The following UGT1A5 variants were observed in gnomAD, a reference collection of about 807,000 sequenced individuals.
The protein encoded by UGT1A5 is UDP glucuronosyltransferase family 1 member A5, also known as UDP-glucuronosyltransferase 1A5.
A neutral mutation model predicts 40.3 loss-of-function variants in UGT1A5; 29 were observed. That is an observed-to-expected ratio of 0.72 (90% CI 0.54 to 0.98). UGT1A5 has a LOEUF of 0.98. Ranked by LOEUF, UGT1A5 falls within the 50% of genes least tolerant of loss-of-function variation. UGT1A5 has a pLI of 0.00. For synonymous variants in UGT1A5, 257 were observed against 262.5 expected (o/e 0.98, Z 0.20); for missense variants, 678 against 677.9 (o/e 1.00, Z 0.00).
chr2:233,729,175 C>T (rs2077809820), intron 1 of UGT1A5: 1 of 1,613,710 alleles, frequency 6.2e-7, no homozygotes, highest in African/African-American at 1.3e-5. Context: ...CACAGGACTG[C>T]TGCTTCTCCT....
chr2:233,718,971 C>T (rs1342997030), intron 1 of UGT1A5: 5 of 1,614,090 alleles, frequency 3.1e-6, no homozygotes, highest in Middle Eastern at 1.6e-4. Context: ...CTTGCGGGAG[C>T]TCCATGCCAG....
chr2:233,758,044 A>G (rs1696783059), intron 1 of UGT1A5, among the ~76,000 whole-genome samples: 1 of 152,170 alleles, frequency 6.6e-6, no homozygotes, highest in African/African-American at 2.4e-5. Context: ...CTTTCAGGCA[A>G]GGACCATTTC....
At chr2:233,770,549 T>C (rs1220272101) in intron 4 of UGT1A5, 7 of 151,978 alleles carry the variant, frequency 4.6e-5, no homozygotes, top group Non-Finnish European at 8.8e-5. Flanking sequence ...TCCCAGCTAT[T>C]TGGGAGGCTG....
intron 1 of UGT1A5, among the ~76,000 whole-genome samples, chr2:233,723,485 C>T (rs1440539841): frequency 7.3e-6 from 1 of 137,690 alleles, no homozygotes; most frequent in Non-Finnish European, 1.5e-5. Flanking sequence ...GCTAGGATTC[C>T]AGGTGTGAGC....
intron 1 of UGT1A5, chr2:233,760,559 C>A (rs776620061): frequency 1.2e-6 from 2 of 1,614,238 alleles, no homozygotes; most frequent in Admixed American, 3.3e-5. Flanking sequence ...GTGAAAGAGT[C>A]TTTTGTTAGT....
At position 233,772,370 on chromosome 2, in the gene UGT1A5, G is replaced by A. The variant is rs587784537; in HGVS notation, c.1416G>A (p.Ala472=). The A allele has an allele frequency of 2.5e-6, 4 of 1,614,248 alleles. No homozygotes were observed. The highest frequency in any genetic ancestry group is 1.6e-4 in the Middle Eastern group (1 of 6,062). ...WVEFVMRHKG[A]PHLRPAAHDL... The stretch of plus-strand genomic sequence containing the variant: ...AGTTTGTGATGAGGCACAAGGGCGC[G>A]CCACACCTGCGCCCCGCAGCCCACG... Residue 472 remains alanine, a synonymous_variant, in exon 5 of 5, where the codon GCG becomes GCA. Transcript: ENST00000373414.
intron 2 of UGT1A5, among the ~76,000 whole-genome samples, chr2:233,767,644 C>T (rs983421121): frequency 2.0e-5 from 3 of 152,120 alleles, no homozygotes; most frequent in South Asian, 4.1e-4. Flanking sequence ...CACAAATTCA[C>T]GTAGTGCATA....
At chr2:233,763,355 T>C (rs1340050072) in intron 1 of UGT1A5, among the ~76,000 whole-genome samples, 1 of 152,264 alleles carries the variant, frequency 6.6e-6, no homozygotes, top group Non-Finnish European at 1.5e-5. Context: ...ACATCTTTAG[T>C]ACTCCTTTGT....
chr2:233,742,052 G>C (rs146940550), intron 1 of UGT1A5: 14 of 152,060 alleles, frequency 9.2e-5, no homozygotes, highest in African/African-American at 3.4e-4. Context: ...CAATAGGATA[G>C]TTCTGTGTGG....
At position 233,767,893 on chromosome 2, in the gene UGT1A5, CA is replaced by C. The variant is rs745655794; in HGVS notation, c.1046del (p.Asn349ThrfsTer18). ...TGTRPSNLAN[N>X]TILVKWLPQN... ...GAACCCGACCATCGAATCTTGCGAA[CA>C]ACACGATACTTGTTAAGTGGCTACC... On this transcript the variant is annotated frameshift_variant, in exon 3 of 5. Coordinates refer to ENST00000373414, the MANE Select transcript of UGT1A5 (RefSeq NM_019078.2). LOFTEE classifies it high-confidence loss of function. The C allele has an allele frequency of 3.1e-6, 5 of 1,614,158 alleles. No individual in the cohort carries two copies. In the South Asian group the frequency reaches 5.5e-5, roughly 18 times the overall value.
intron 1 of UGT1A5, among the ~76,000 whole-genome samples, chr2:233,745,899 C>T (rs1385989296): frequency 1.3e-5 from 2 of 151,320 alleles, no homozygotes; most frequent in Non-Finnish European, 2.9e-5. Context: ...TGGCGTTTTT[C>T]AGGGAGCAGC....
At chr2:233,754,297 C>G (rs1695445363) in intron 1 of UGT1A5, 1 of 235,612 alleles carries the variant, frequency 4.2e-6, no homozygotes, top group Non-Finnish European at 8.4e-6. Flanking sequence ...TGTCCTAGCA[C>G]TAGGAAATAA....
At chr2:233,732,602 G>T (rs1447005275) in intron 1 of UGT1A5, among the ~76,000 whole-genome samples, 1 of 152,210 alleles carries the variant, frequency 6.6e-6, no homozygotes, top group Non-Finnish European at 1.5e-5. Flanking sequence ...GTTTGTCAAA[G>T]ATCAAATGGT....
intron 1 of UGT1A5, chr2:233,743,889 C>T: frequency 7.3e-7 from 1 of 1,366,986 alleles, no homozygotes; most frequent in Non-Finnish European, 9.8e-7. Context: ...TGCCGGGGCA[C>T]GTCCAGCACC....
chr2:233,753,414 T>C (rs1264924326), intron 1 of UGT1A5: 1 of 152,196 alleles, frequency 6.6e-6, no homozygotes, highest in Non-Finnish European at 1.5e-5. Flanking sequence ...CCAAACCCAT[T>C]GTCACAGTAT....
Position 233,769,941 on chromosome 2 carries a change from T to G in UGT1A5, c.1307+1502T>G. 1 of 227,092 alleles carries G rather than the reference T, an allele frequency of 4.4e-6. No individual in the cohort carries two copies. The highest frequency in any genetic ancestry group is 9.8e-5 in the East Asian group (1 of 10,154). 14.1% of individuals were successfully genotyped at this position (227,092 alleles called of 1,614,324 possible). On this transcript the variant is annotated intron_variant, in intron 4 of 4. Transcript: ENST00000373414. This position sits in a 1 kb window ranked among gnomAD's most constrained non-coding sequence, Gnocchi z 4.4. ...TGGGTGGTGTGGTCCCATTCCTTCC[T>G]TCCAGCGGCTTCTTCTGGCCACCTC...
At chr2:233,741,868 C>T (rs566953182) in intron 1 of UGT1A5, 3 of 152,000 alleles carry the variant, frequency 2.0e-5, no homozygotes, top group South Asian at 2.1e-4. Flanking sequence ...GCAAACCTTT[C>T]CTCAGAGGTG....
chr2:233,767,224 C>G (rs1699341321), intron 2 of UGT1A5, 59 bp downstream of exon 2: 2 of 1,610,498 alleles, frequency 1.2e-6, no homozygotes, highest in Non-Finnish European at 1.7e-6. Context: ...TAATCCCAGA[C>G]TTCCAGCTTC....
Position 233,736,712 on chromosome 2 carries a change from C to T in UGT1A5, c.867+22854C>T, listed in dbSNP as rs373789864. On this transcript the variant is annotated intron_variant, in intron 1 of 4. Coordinates refer to ENST00000373414, the MANE Select transcript of UGT1A5 (RefSeq NM_019078.2). ...ACAGATGGGGTTTTGGTGTAGATGT[C>T]CTTTTTGTTGATGTTTATGCTGTTC... Among the ~76,000 whole-genome samples, 3 of 152,156 alleles carry T rather than the reference C, an allele frequency of 2.0e-5. No individual in the cohort carries two copies. In the East Asian group the frequency reaches 5.8e-4, roughly 29 times the overall value.
Sources: allele counts gnomAD v4.1 joint callset (sites outside exome capture counted in the v4.1 genomes callset), GRCh38; gene constraint gnomAD v4.1.1; non-coding constraint Gnocchi (gnomAD v3.1); transcripts MANE v1.5; gene names NCBI Gene and HGNC (gene_info 2026-07-23, HGNC 2026-07-21).